PCDH15: variants seen among roughly 807,000 people sequenced by gnomAD.
PCDH15 encodes protocadherin related 15.
A neutral mutation model predicts 178.5 loss-of-function variants in PCDH15; 129 were observed. The observed-to-expected ratio is 0.72, with a 90% CI of 0.63 to 0.84. The LOEUF (loss-of-function observed/expected upper bound fraction) is 0.84, where lower values mean the gene tolerates loss of function less well. Ranked by LOEUF, PCDH15 falls within the 40% of genes least tolerant of loss-of-function variation. PCDH15 has a pLI of 0.00. For missense variants in PCDH15, 2,230 were observed against 2,099.9 expected, an observed-to-expected ratio of 1.06 and a Z score of -1.21; for synonymous variants, 800 against 732.0, an observed-to-expected ratio of 1.09 and a Z score of -1.50.
At chr10:54,229,570 C>T (rs748922645) in intron 9 of PCDH15, among the ~76,000 whole-genome samples, 2 of 152,078 alleles carry the variant, frequency 1.3e-5, no homozygotes, top group East Asian at 1.9e-4. Flanking sequence ...ATCATGAAGG[C>T]GGGTCTTTCC....
At chr10:54,591,572 T>C (rs2091891078) in intron 2 of PCDH15, among the ~76,000 whole-genome samples, 1 of 152,050 alleles carries the variant, frequency 6.6e-6, no homozygotes, top group Admixed American at 6.6e-5. Flanking sequence ...GATATTACAT[T>C]TGTGTTGTTT....
intron 2 of PCDH15, among the ~76,000 whole-genome samples, chr10:55,051,526 G>A (rs1230849893): frequency 6.6e-6 from 1 of 151,918 alleles, no homozygotes; most frequent in Non-Finnish European, 1.5e-5. Context: ...TCTTATTCCC[G>A]AATTCCAGTT....
intron 2 of PCDH15, among the ~76,000 whole-genome samples, chr10:55,029,729 C>A (rs183827216): frequency 6.6e-6 from 1 of 152,174 alleles, no homozygotes; most frequent in East Asian, 1.9e-4. Context: ...AAGTGCTGCA[C>A]CAACTTTTCT....
intron 2 of PCDH15, among the ~76,000 whole-genome samples, chr10:55,034,372 G>A (rs539230938): frequency 3.3e-5 from 5 of 152,214 alleles, no homozygotes; most frequent in South Asian, 2.1e-4. Flanking sequence ...AATGTGCCCC[G>A]TCACTGACAA....
At chr10:55,562,052 G>A (rs1164596936) in intron 2 of PCDH15, among the ~76,000 whole-genome samples, 1 of 151,810 alleles carries the variant, frequency 6.6e-6, no homozygotes, top group Non-Finnish European at 1.5e-5. Flanking sequence ...GACATCCTTT[G>A]ATTTTCTGTC....
intron 2 of PCDH15, among the ~76,000 whole-genome samples, chr10:55,133,944 C>T (rs1426191791): frequency 6.6e-6 from 1 of 152,078 alleles, no homozygotes; most frequent in Non-Finnish European, 1.5e-5. Flanking sequence ...TTATCCTGTT[C>T]CCCTATTTCT....
chr10:54,559,298 T>A (rs1245663700), intron 2 of PCDH15, among the ~76,000 whole-genome samples: 1 of 152,026 alleles, frequency 6.6e-6, no homozygotes, highest in African/African-American at 2.4e-5. Flanking sequence ...AAATAATGTA[T>A]TTAAGGCTCC....
chr10:55,366,452 A>C (rs2131984315), intron 2 of PCDH15, among the ~76,000 whole-genome samples: 1 of 152,288 alleles, frequency 6.6e-6, no homozygotes, highest in Non-Finnish European at 1.5e-5. Flanking sequence ...TGTACCCTGG[A>C]TAATAAAATG....
intron 21 of PCDH15, 69 bp from the exon 22 acceptor site, chr10:53,961,961 A>G: frequency 8.0e-7 from 1 of 1,242,568 alleles, no homozygotes; most frequent in East Asian, 2.4e-5. Flanking sequence ...ATAATATTAA[A>G]TGGATCTTTA....
chr10:54,301,397 C>A (rs1040330242), intron 8 of PCDH15, among the ~76,000 whole-genome samples: 1 of 152,116 alleles, frequency 6.6e-6, no homozygotes, highest in Non-Finnish European at 1.5e-5. Flanking sequence ...TAAAATATTT[C>A]TTTAGGAACC....
intron 18 of PCDH15, among the ~76,000 whole-genome samples, chr10:54,052,542 C>T (rs1426715627): frequency 6.6e-6 from 1 of 152,156 alleles, no homozygotes; most frequent in Non-Finnish European, 1.5e-5. Flanking sequence ...TTATCCTACG[C>T]CTGTACCCTC....
chr10:54,749,140 C>G (rs1352655529), intron 1 of PCDH15, among the ~76,000 whole-genome samples: 3 of 142,844 alleles, frequency 2.1e-5, no homozygotes, highest in Admixed American at 2.0e-4. Context: ...AAAACTTAGC[C>G]TTATAATTCC....
intron 1 of PCDH15, among the ~76,000 whole-genome samples, chr10:54,783,680 C>T (rs969317665): frequency 1.3e-5 from 2 of 151,890 alleles, no homozygotes; most frequent in African/African-American, 2.4e-5. Flanking sequence ...GTTTTCTTAT[C>T]GATACTTATA....
At chr10:55,506,427 ATT>A (rs1840760106) in intron 2 of PCDH15, 1 of 151,638 alleles carries the variant, frequency 6.6e-6, no homozygotes, top group Non-Finnish European at 1.5e-5. Context: ...GGATAATACT[ATT>A]TGTGTGTGTG....
At chr10:55,352,926 T>C (rs1477871368) in intron 2 of PCDH15, among the ~76,000 whole-genome samples, 1 of 152,140 alleles carries the variant, frequency 6.6e-6, no homozygotes, top group Admixed American at 6.6e-5. Context: ...TCTGAAAGTA[T>C]GCTCAGCAAA....
chr10:54,396,398 C>T (rs931106364), intron 3 of PCDH15, among the ~76,000 whole-genome samples: 2 of 152,152 alleles, frequency 1.3e-5, no homozygotes, highest in Admixed American at 6.6e-5. Context: ...ATATGAAATA[C>T]ACGTCAATAA....
At chr10:55,125,349 C>T (rs1406796664) in intron 2 of PCDH15, among the ~76,000 whole-genome samples, 2 of 151,950 alleles carry the variant, frequency 1.3e-5, no homozygotes, top group African/African-American at 2.4e-5. Context: ...TAGGCATTAA[C>T]TTTAGGGACA....
intron 8 of PCDH15, among the ~76,000 whole-genome samples, chr10:54,310,133 A>T (rs1035312943): frequency 1.3e-5 from 2 of 152,082 alleles, no homozygotes; most frequent in African/African-American, 2.4e-5. Flanking sequence ...AAGTTGTACT[A>T]TGTGTGTTAG....
At chr10:55,562,393 A>T (rs987558034) in intron 2 of PCDH15, among the ~76,000 whole-genome samples, 4 of 151,976 alleles carry the variant, frequency 2.6e-5, no homozygotes, top group African/African-American at 7.2e-5. Flanking sequence ...ATATTATTTT[A>T]AAAATATTTA....
Sources: gnomAD v4.1 joint callset for allele counts (sites outside exome capture counted in the v4.1 genomes callset) on GRCh38, gnomAD v4.1.1 for gene constraint, MANE v1.5 for transcripts, NCBI Gene and HGNC (gene_info 2026-07-23, HGNC 2026-07-21) for gene names.